The following XKR9 variants were observed in gnomAD, a reference collection of about 807,000 sequenced individuals.
XKR9 encodes XK-related protein 9.
A neutral mutation model predicts 32.0 loss-of-function variants in XKR9; 32 were observed. The ratio of observed to expected loss-of-function variants is 1.00; its 90% CI spans 0.76 to 1.34. The LOEUF (loss-of-function observed/expected upper bound fraction) is 1.34. XKR9 is among the 40% of genes most tolerant of loss of function. The pLI is 0.00. For missense variants in XKR9, 546 were observed against 429.7 expected, an observed-to-expected ratio of 1.27 and a Z score of -2.39; for synonymous variants, 168 against 143.4, an observed-to-expected ratio of 1.17 and a Z score of -1.22.
At chr8:70,949,016 G>T in the XKR9 span, among the ~76,000 whole-genome samples, 1 of 152,116 alleles carries the variant, frequency 6.6e-6, no homozygotes, top group Non-Finnish European at 1.5e-5. Context: ...AAGTGATATG[G>T]AATATTTACA....
At chr8:71,051,354 A>AT in the XKR9 span, among the ~76,000 whole-genome samples, 3 of 152,198 alleles carry the variant, frequency 2.0e-5, no homozygotes, top group African/African-American at 4.8e-5. Flanking sequence ...CAAGTTTAAC[A>AT]TTTTTTTCAA....
chr8:70,719,691 T>G (rs1234048456), intron 4 of XKR9, among the ~76,000 whole-genome samples: 1 of 152,180 alleles, frequency 6.6e-6, no homozygotes, highest in Non-Finnish European at 1.5e-5. Context: ...TTTTGGTTAC[T>G]GTAGCCTTGT....
chr8:70,983,650 A>G, the XKR9 span, among the ~76,000 whole-genome samples: 1 of 151,980 alleles, frequency 6.6e-6, no homozygotes, highest in African/African-American at 2.4e-5. Flanking sequence ...GCATGGTGGC[A>G]GGTGCCTGTA....
the XKR9 span, among the ~76,000 whole-genome samples, chr8:71,000,453 G>T: frequency 6.6e-6 from 1 of 152,086 alleles, no homozygotes; most frequent in South Asian, 2.1e-4. Context: ...TTGTTACAAG[G>T]ACACAGAGGT....
chr8:70,777,545 A>G (rs1034873906), intron 2 of XKR9, among the ~76,000 whole-genome samples: 1 of 152,160 alleles, frequency 6.6e-6, no homozygotes, highest in African/African-American at 2.4e-5. Context: ...GTCTTCCACA[A>G]TGGTTGAACT....
At chr8:71,041,076 C>A in the XKR9 span, among the ~76,000 whole-genome samples, 1 of 152,050 alleles carries the variant, frequency 6.6e-6, no homozygotes, top group African/African-American at 2.4e-5. Flanking sequence ...ATGACTTGCT[C>A]ACATGGTGGT....
intron 3 of XKR9, among the ~76,000 whole-genome samples, chr8:70,691,563 T>C (rs1287188902): frequency 6.6e-6 from 1 of 152,224 alleles, no homozygotes. Context: ...ATTTAAGTCT[T>C]TAATCTGTAT....
chr8:70,685,719 C>A (rs1819248868), intron 3 of XKR9, among the ~76,000 whole-genome samples: 1 of 109,408 alleles, frequency 9.1e-6, no homozygotes, highest in Non-Finnish European at 1.7e-5. Flanking sequence ...GAACATCACA[C>A]TCTGGGGACT....
chr8:71,012,222 G>A, the XKR9 span, among the ~76,000 whole-genome samples: 2 of 152,154 alleles, frequency 1.3e-5, no homozygotes, highest in Non-Finnish European at 2.9e-5. Flanking sequence ...AAGAAACAAA[G>A]ATTAAGAGTT....
chr8:71,021,363 T>G, the XKR9 span, among the ~76,000 whole-genome samples: 1 of 152,176 alleles, frequency 6.6e-6, no homozygotes, highest in African/African-American at 2.4e-5. Flanking sequence ...TCGTTTTTAT[T>G]GGATGCAGTT....
the XKR9 span, among the ~76,000 whole-genome samples, chr8:70,939,073 C>G: frequency 2.6e-5 from 4 of 151,820 alleles, no homozygotes; most frequent in Admixed American, 1.3e-4. Context: ...CCTTATCTCC[C>G]ATTAAAATTG....
At chr8:70,702,515 G>A (rs569868424) in intron 3 of XKR9, among the ~76,000 whole-genome samples, 1 of 152,074 alleles carries the variant, frequency 6.6e-6, no homozygotes, top group East Asian at 1.9e-4. Flanking sequence ...CAATTACTGA[G>A]AGGTGATAAA....
chr8:71,057,950 C>T, the XKR9 span, among the ~76,000 whole-genome samples: 1 of 151,974 alleles, frequency 6.6e-6, no homozygotes, highest in African/African-American at 2.4e-5. Flanking sequence ...TTTGGGAGGC[C>T]GAGGTGGATG....
chr8:70,910,506 C>T, the XKR9 span, among the ~76,000 whole-genome samples: 2 of 152,050 alleles, frequency 1.3e-5, no homozygotes, highest in African/African-American at 4.8e-5. Flanking sequence ...GTTATTTTTA[C>T]TTAGTTTTCA....
the XKR9 span, among the ~76,000 whole-genome samples, chr8:70,963,964 T>G: frequency 6.6e-6 from 1 of 152,194 alleles, no homozygotes; most frequent in African/African-American, 2.4e-5. Context: ...AGCTCTTTAG[T>G]TTAATTAGAT....
At chr8:70,755,569 C>T (rs1471331052) in intron 2 of XKR9, among the ~76,000 whole-genome samples, 1 of 152,010 alleles carries the variant, frequency 6.6e-6, no homozygotes, top group Non-Finnish European at 1.5e-5. Flanking sequence ...CCATGGAATA[C>T]TATGCAGCCA....
chr8:70,882,448 G>GTA, the XKR9 span, among the ~76,000 whole-genome samples: 2 of 151,342 alleles, frequency 1.3e-5, no homozygotes, highest in Admixed American at 1.3e-4. Flanking sequence ...ATATATTTAT[G>GTA]TATATATAAA....
At chr8:70,855,763 A>C in the XKR9 span, among the ~76,000 whole-genome samples, 1,190 of 152,376 alleles carry the variant, frequency 7.8e-3, 13 homozygotes, top group African/African-American at 0.027. Context: ...AGCCCATCAG[A>C]CTAACAGCTG....
chr8:70,671,035 C>T (rs538151738), intron 1 of XKR9, among the ~76,000 whole-genome samples: 1 of 152,272 alleles, frequency 6.6e-6, no homozygotes, highest in African/African-American at 2.4e-5. Context: ...AATTTCCTTA[C>T]TTAACTTACT....
Sources: allele counts gnomAD v4.1 joint callset (sites outside exome capture counted in the v4.1 genomes callset), GRCh38; gene constraint gnomAD v4.1.1; transcripts MANE v1.5; gene names NCBI Gene and HGNC (gene_info 2026-07-23, HGNC 2026-07-21).